The following CA5A variants were observed in gnomAD, a reference collection of about 807,000 sequenced individuals.
CA5A encodes the protein carbonic anhydrase 5A, mitochondrial.
A neutral mutation model predicts 37.1 loss-of-function variants in CA5A; 28 were observed. The ratio of observed to expected loss-of-function variants is 0.75; its 90% CI spans 0.56 to 1.03. The LOEUF is 1.03. Ranked by LOEUF, CA5A falls within the 50% of genes least tolerant of loss-of-function variation. The pLI, the probability that CA5A is intolerant of heterozygous loss-of-function variation, is 0.00. For synonymous variants in CA5A, 171 were observed against 158.4 expected, an observed-to-expected ratio of 1.08 and a Z score of -0.60; for missense variants, 444 against 399.9, an observed-to-expected ratio of 1.11 and a Z score of -0.94.
In CA5A at chr16:87,892,969, G is replaced by C. The variant is rs571172743; in HGVS notation, c.619-1015C>G. 4.9e-6 allele frequency: 5 copies of C among 1,022,076 alleles called. 1 individual carries two copies. Among genetic ancestry groups the C allele is most frequent in the South Asian group, 1.4e-5 (1 of 73,048 alleles). 63.3% of individuals were successfully genotyped at this position (1,022,076 alleles called of 1,614,324 possible). ...GCCTATGGGCTCCTTTTTAAGGAGGGAGTCATGGTGGCCAAGAAGGATGTC... is the reference window on the plus strand; with the variant it reads ...GCCTATGGGCTCCTTTTTAAGGAGGCAGTCATGGTGGCCAAGAAGGATGTC... On this transcript the variant is annotated intron_variant, in intron 5 of 6. Coordinates refer to ENST00000649794, the MANE Select transcript of CA5A (RefSeq NM_001739.2).
At chr16:87,895,292 T>C (rs1449531798) in intron 5 of CA5A, among the ~76,000 whole-genome samples, 7 of 152,190 alleles carry the variant, frequency 4.6e-5, no homozygotes, top group African/African-American at 1.7e-4. Context: ...ACGCCTGTAA[T>C]CCCAGCACTT....
chr16:87,933,431 C>T (rs2056433439), intron 1 of CA5A, among the ~76,000 whole-genome samples: 1 of 152,196 alleles, frequency 6.6e-6, no homozygotes, highest in South Asian at 2.1e-4. Context: ...GGCTGGAGTG[C>T]AGTGGCCTGA....
At chr16:87,922,804 A>T (rs2056248783) in intron 2 of CA5A, among the ~76,000 whole-genome samples, 1 of 152,220 alleles carries the variant, frequency 6.6e-6, no homozygotes, top group South Asian at 2.1e-4. Context: ...TGAATGTTGG[A>T]TGCAGATTCT....
At chr16:87,884,825 G>A (rs1164278718), downstream of CA5A, 2 of 152,080 alleles carry the variant, frequency 1.3e-5, no homozygotes, top group African/African-American at 2.4e-5. Flanking sequence ...TACATGAAAG[G>A]GCACCTATTG....
intron 2 of CA5A, among the ~76,000 whole-genome samples, chr16:87,915,481 C>G (rs1436275299): frequency 6.7e-6 from 1 of 150,188 alleles, no homozygotes. Context: ...GCAGTGAGCC[C>G]AGATGCACTT....
In CA5A at chr16:87,888,106, C is replaced by T. The variant is rs1484684774; in HGVS notation, c.*23G>A. On this transcript the variant is annotated 3_prime_UTR_variant, in exon 7 of 7. Transcript: ENST00000649794. ...CTTCCTTCCTTCAAAGTCAGTTCTGCTATTCATGTGGACCTAATGTCTCTA... is the reference window on the plus strand; with the variant it reads ...CTTCCTTCCTTCAAAGTCAGTTCTGTTATTCATGTGGACCTAATGTCTCTA... 7 of 1,568,480 alleles carry T rather than the reference C, an allele frequency of 4.5e-6. No individual in the cohort carries two copies. Among genetic ancestry groups the T allele is most frequent in the Non-Finnish European group, 5.2e-6 (6 of 1,153,238 alleles).
intron 2 of CA5A, among the ~76,000 whole-genome samples, chr16:87,909,263 G>A (rs549580029): frequency 6.6e-6 from 1 of 152,220 alleles, no homozygotes; most frequent in African/African-American, 2.4e-5. Flanking sequence ...CGGGACATGC[G>A]GCCCCTCCTC....
Position 87,901,409 on chromosome 16 carries a change from G to T in CA5A, c.618+503C>A, listed in dbSNP as rs7189398. ...GTCCCAGAGCAGTGGTGATGCATTCGAAGTCAGAGAGACCTAGCTGTGGAC... is the reference window on the plus strand; with the variant it reads ...GTCCCAGAGCAGTGGTGATGCATTCTAAGTCAGAGAGACCTAGCTGTGGAC... On this transcript the variant is annotated intron_variant, in intron 5 of 6. Coordinates refer to ENST00000649794, the MANE Select transcript of CA5A (RefSeq NM_001739.2). Among the ~76,000 whole-genome samples the T allele has an allele frequency of 4.9e-3, 753 of 152,242 alleles. 12 individuals carry two copies. Among genetic ancestry groups the T allele is most frequent in the African/African-American group, 0.017 (726 of 41,546 alleles).
chr16:87,923,296 C>G (rs759786269), intron 2 of CA5A, among the ~76,000 whole-genome samples: 1 of 152,200 alleles, frequency 6.6e-6, no homozygotes, highest in Non-Finnish European at 1.5e-5. Flanking sequence ...TCAAGCGATT[C>G]TCCTGCCTCA....
intron 1 of CA5A, among the ~76,000 whole-genome samples, chr16:87,929,669 G>A (rs12711485): frequency 0.54 from 82,268 of 151,370 alleles, 23,077 homozygotes; most frequent in Non-Finnish European, 0.6. Context: ...TCAGGAGATC[G>A]AGACCATCCT....
intron 6 of CA5A, among the ~76,000 whole-genome samples, chr16:87,890,459 A>C (rs1873550409): frequency 6.6e-6 from 1 of 152,204 alleles, no homozygotes; most frequent in African/African-American, 2.4e-5. Context: ...GAGATGAGCC[A>C]GAGATGCTAA....
chr16:87,883,891 C>T (rs1431223292), downstream of CA5A: 1 of 150,812 alleles, frequency 6.6e-6, no homozygotes. Context: ...ATCTGCCCAC[C>T]TCAGCCTCCC....
chr16:87,919,834 C>T (rs973583706), intron 2 of CA5A, among the ~76,000 whole-genome samples: 1 of 152,168 alleles, frequency 6.6e-6, no homozygotes, highest in African/African-American at 2.4e-5. Context: ...CATGCTGGCT[C>T]TGGAGCTGAC....
chr16:87,928,837 C>G (rs1383192096), intron 1 of CA5A, among the ~76,000 whole-genome samples: 1 of 137,502 alleles, frequency 7.3e-6, no homozygotes, highest in African/African-American at 2.7e-5. Context: ...GGTGCCATCT[C>G]GGCTCACTGC....
intron 2 of CA5A, among the ~76,000 whole-genome samples, chr16:87,920,953 C>G (rs1334429278): frequency 6.6e-6 from 1 of 152,114 alleles, no homozygotes; most frequent in East Asian, 1.9e-4. Context: ...ACCATCACGC[C>G]TGGCTACTTT....
At chr16:87,891,125 T>G in intron 6 of CA5A, among the ~76,000 whole-genome samples, 1 of 145,898 alleles carries the variant, frequency 6.9e-6, no homozygotes, top group African/African-American at 2.6e-5. Flanking sequence ...TGTATACAAA[T>G]ATTATTAATT....
Position 87,926,775 on chromosome 16 carries a change from C to T in CA5A, c.313G>A (p.Glu105Lys). Residue 105 changes from glutamate (E) to lysine (K), a missense_variant, in exon 2 of 7, where the codon GAA becomes AAA. By Grantham distance (56) the Glu-to-Lys change is moderately conservative (BLOSUM62 1). Transcript: ENST00000649794. ...GATGCCTCGGTGGCATCGTCAAATTCCACCTGGAAGAGGTAGCCAGTGTTC... is the reference window on the plus strand; with the variant it reads ...GATGCCTCGGTGGCATCGTCAAATTTCACCTGGAAGAGGTAGCCAGTGTTC... ...IWNTGYLFQV[E>K]FDDATEASGI... is the part of the protein sequence containing the mutation. The T allele has an allele frequency of 6.2e-7, 1 of 1,613,970 alleles. No homozygotes were observed. The highest frequency in any genetic ancestry group is 8.5e-7 in the Non-Finnish European group (1 of 1,179,874).
intron 6 of CA5A, among the ~76,000 whole-genome samples, 181 bp from the exon 7 acceptor site, chr16:87,888,453 C>T (rs184927069): frequency 1.6e-4 from 25 of 152,236 alleles, no homozygotes; most frequent in African/African-American, 4.6e-4. Flanking sequence ...TTGCCGCTTC[C>T]GCCTTGGTCT....
rs113142837 is a variant in CA5A, at chr16:87,891,143, G to GA, written c.774+655dup. Among the ~76,000 whole-genome samples the GA allele has an allele frequency of 5.0e-4, 72 of 142,732 alleles. 1 individual carries two copies. Among genetic ancestry groups the GA allele is most frequent in the East Asian group, 4.3e-3 (21 of 4,896 alleles). The allele number at this position is 142,732 out of a possible 152,430, so 93.6% of individuals were successfully genotyped here. ...ATACAAATATTATTAATTAATTTTCGAAAAAAAAAAAAGCAATGAAACTAT... is the reference window on the plus strand; with the variant it reads ...ATACAAATATTATTAATTAATTTTCGAAAAAAAAAAAAAGCAATGAAACTAT... On this transcript the variant is annotated intron_variant, in intron 6 of 6. Coordinates refer to ENST00000649794, the MANE Select transcript of CA5A (RefSeq NM_001739.2).
Sources: gnomAD v4.1 joint callset for allele counts (sites outside exome capture counted in the v4.1 genomes callset) on GRCh38, gnomAD v4.1.1 for gene constraint, MANE v1.5 for transcripts, NCBI Gene and HGNC (gene_info 2026-07-23, HGNC 2026-07-21) for gene names.